CREB5: variants seen among roughly 807,000 people sequenced by gnomAD.
CREB5 encodes cyclic AMP-responsive element-binding protein 5.
In CREB5, 19 loss-of-function variants were observed where a neutral mutation model predicts 57.1. The observed-to-expected ratio is 0.33, with a 90% confidence interval of 0.23 to 0.49. The LOEUF (loss-of-function observed/expected upper bound fraction) is 0.49, where lower values mean the gene tolerates loss of function less well. CREB5 is among the 20% of genes least tolerant of loss of function. The pLI is 0.99. For synonymous variants in CREB5, 238 were observed against 238.3 expected (o/e 1.00, Z 0.01); for missense variants, 579 against 671.6 (o/e 0.86, Z 1.52).
At chr7:28,484,909 G>C (rs1279976320) in intron 1 of CREB5, among the ~76,000 whole-genome samples, 1 of 152,140 alleles carries the variant, frequency 6.6e-6, no homozygotes, top group Non-Finnish European at 1.5e-5. Flanking sequence ...AATCTATGTG[G>C]CCGAGCCTTT....
chr7:28,551,674 A>C (rs1794648411), intron 4 of CREB5, among the ~76,000 whole-genome samples: 1 of 152,092 alleles, frequency 6.6e-6, no homozygotes, highest in Admixed American at 6.5e-5. Flanking sequence ...CCGAGACCTG[A>C]CCAAGGTTGC....
chr7:28,803,101 T>A (rs1430212274), intron 7 of CREB5, among the ~76,000 whole-genome samples: 2 of 152,192 alleles, frequency 1.3e-5, no homozygotes, highest in African/African-American at 4.8e-5. Context: ...CAGGTACAAG[T>A]TATTTGTGTG....
intron 1 of CREB5, among the ~76,000 whole-genome samples, chr7:28,348,244 T>C (rs971716182): frequency 1.3e-5 from 2 of 152,134 alleles, no homozygotes; most frequent in Non-Finnish European, 2.9e-5. Flanking sequence ...CAACGTGGGC[T>C]CAGGAGCTGA....
rs148829690 is a variant in CREB5, at chr7:28,467,420, G to C, written c.4-20755G>C. Among the ~76,000 whole-genome samples the C allele has an allele frequency of 3.2e-3, 487 of 152,240 alleles. 4 individuals carry two copies. Among genetic ancestry groups the C allele is most frequent in the African/African-American group, 0.011 (459 of 41,542 alleles). ...GCTTTTTTCTATCGTTTTGCATGCA[G>C]AGAAAGAAAAAGATGTAATACTTCA... On this transcript the variant is annotated intron_variant, in intron 1 of 10. Transcript: ENST00000357727.
At chr7:28,331,313 A>G (rs867055432) in intron 1 of CREB5, among the ~76,000 whole-genome samples, 2 of 152,102 alleles carry the variant, frequency 1.3e-5, no homozygotes, top group African/African-American at 4.8e-5. Context: ...TGTTCCCTTA[A>G]GGAGCCGTTT....
chr7:28,388,201 G>T (rs1332000664), intron 1 of CREB5, among the ~76,000 whole-genome samples: 1 of 152,162 alleles, frequency 6.6e-6, no homozygotes, highest in East Asian at 1.9e-4. Context: ...TTTCTGAATT[G>T]CACAGGTAGT....
At chr7:28,628,356 C>A (rs1562536027) in intron 5 of CREB5, among the ~76,000 whole-genome samples, 1 of 152,146 alleles carries the variant, frequency 6.6e-6, no homozygotes, top group Non-Finnish European at 1.5e-5. Context: ...ACCACGCCTG[C>A]TTATTGTCTG....
intron 5 of CREB5, among the ~76,000 whole-genome samples, chr7:28,658,953 G>GTGTGTGTGTATATATATA (rs1400561698): frequency 2.0e-5 from 2 of 99,584 alleles, no homozygotes; most frequent in African/African-American, 6.6e-5. Context: ...GTGTGTGTGT[G>GTGTGTGTGTATATATATA]TATATATATA....
At chr7:28,616,817 G>A (rs1214818513) in intron 5 of CREB5, among the ~76,000 whole-genome samples, 2 of 152,132 alleles carry the variant, frequency 1.3e-5, no homozygotes, top group Non-Finnish European at 2.9e-5. Context: ...AGGAAACTTA[G>A]CAATCTGATG....
chr7:28,643,754 G>GGA (rs923779501), intron 5 of CREB5, among the ~76,000 whole-genome samples: 2 of 91,516 alleles, frequency 2.2e-5, no homozygotes, highest in African/African-American at 4.6e-5. Context: ...TGGGAGGTGG[G>GGA]GGGGGGCGGA....
At chr7:28,415,433 T>C (rs1787988094) in intron 1 of CREB5, among the ~76,000 whole-genome samples, 1 of 152,194 alleles carries the variant, frequency 6.6e-6, no homozygotes, top group Non-Finnish European at 1.5e-5. Context: ...TATGACTTTG[T>C]ATCCTTCACT....
chr7:28,446,946 G>A (rs914515057), intron 1 of CREB5, among the ~76,000 whole-genome samples: 1 of 152,170 alleles, frequency 6.6e-6, no homozygotes, highest in Non-Finnish European at 1.5e-5. Flanking sequence ...CACCTCAAAG[G>A]CAAGACCATT....
intron 5 of CREB5, among the ~76,000 whole-genome samples, chr7:28,685,337 C>T (rs1800818667): frequency 6.6e-6 from 1 of 152,190 alleles, no homozygotes. Context: ...GGAGAAGTGA[C>T]TGTGATTTCA....
intron 5 of CREB5, among the ~76,000 whole-genome samples, chr7:28,716,757 C>T (rs1280249179): frequency 6.6e-6 from 1 of 152,186 alleles, no homozygotes; most frequent in Admixed American, 6.5e-5. Context: ...TCAGTCTATC[C>T]ACCTGTGAAG....
At chr7:28,334,664 T>C (rs776313454) in intron 1 of CREB5, among the ~76,000 whole-genome samples, 20 of 152,204 alleles carry the variant, frequency 1.3e-4, no homozygotes, top group Non-Finnish European at 2.2e-4. Context: ...TTCACTTTGT[T>C]GATTGTTTCC....
At chr7:28,645,806 T>C (rs973927596) in intron 5 of CREB5, among the ~76,000 whole-genome samples, 3 of 152,216 alleles carry the variant, frequency 2.0e-5, no homozygotes, top group Non-Finnish European at 4.4e-5. Flanking sequence ...TTTCTGGGTA[T>C]ATGAGAGTGT....
chr7:28,528,266 T>C (rs1483525272), intron 4 of CREB5, among the ~76,000 whole-genome samples: 3 of 152,230 alleles, frequency 2.0e-5, no homozygotes, highest in Non-Finnish European at 2.9e-5. Context: ...AGGCTATCAC[T>C]GAGTCGGCAT....
At chr7:28,631,878 G>T (rs1798219700) in intron 5 of CREB5, among the ~76,000 whole-genome samples, 1 of 152,156 alleles carries the variant, frequency 6.6e-6, no homozygotes, top group Non-Finnish European at 1.5e-5. Context: ...AAGAGAATGT[G>T]TTTGAAAGAT....
Position 28,454,670 on chromosome 7 carries a change from A to G in CREB5, c.4-33505A>G, listed in dbSNP as rs141530379. Among the ~76,000 whole-genome samples the G allele has an allele frequency of 2.0e-4, 31 of 152,288 alleles. No homozygotes were observed. The East Asian group carries it at 5.2e-3, about 26-fold the overall frequency. ...TGCTTGGTTGTCAGTGAACGCAGAT[A>G]TTGGAGCTAAGGCCAGTGTTTGTCC... On this transcript the variant is annotated intron_variant, in intron 1 of 10. Transcript: ENST00000357727.
Sources: allele counts gnomAD v4.1 joint callset (sites outside exome capture counted in the v4.1 genomes callset), GRCh38; gene constraint gnomAD v4.1.1; transcripts MANE v1.5; gene names NCBI Gene and HGNC (gene_info 2026-07-23, HGNC 2026-07-21).